The following PLEKHO2 variants were observed in gnomAD, a reference collection of about 807,000 sequenced individuals.
PLEKHO2 encodes pleckstrin homology domain-containing family O member 2.
PLEKHO2 carries 20 observed loss-of-function variants against 32.7 expected under a neutral mutation model. The observed-to-expected ratio is 0.61, with a 90% CI of 0.43 to 0.89. PLEKHO2 has a LOEUF of 0.89. PLEKHO2 is among the 40% of genes least tolerant of loss of function. The probability of loss-of-function intolerance (pLI) is 0.00; values close to 1 mark genes in which losing one functional copy is unlikely to be tolerated. For missense variants in PLEKHO2, 568 were observed against 621.2 expected (o/e 0.91, Z 0.91); for synonymous variants, 247 against 246.3 (o/e 1.00, Z -0.03).
At chr15:64,853,688 C>T (rs1216330914) in intron 2 of PLEKHO2, among the ~76,000 whole-genome samples, 1 of 152,186 alleles carries the variant, frequency 6.6e-6, no homozygotes. Flanking sequence ...CAACCTACTG[C>T]CTGTGACTGG....
At chr15:64,858,374 G>A (rs576056125) in intron 3 of PLEKHO2, among the ~76,000 whole-genome samples, 1 of 152,292 alleles carries the variant, frequency 6.6e-6, no homozygotes, top group South Asian at 2.1e-4. Context: ...AGAGTGGAGG[G>A]AGGGGAGGTA....
intron 3 of PLEKHO2, among the ~76,000 whole-genome samples, chr15:64,857,542 C>T (rs2140343125): frequency 6.6e-6 from 1 of 152,102 alleles, no homozygotes; most frequent in East Asian, 1.9e-4. Flanking sequence ...ACTATGTTGC[C>T]CAGGCTGGTA....
At position 64,855,987 on chromosome 15, in the gene PLEKHO2, C is replaced by T. The variant is rs557689960; in HGVS notation, c.279+950C>T. Among the ~76,000 whole-genome samples, 11 of 152,050 alleles carry T rather than the reference C, an allele frequency of 7.2e-5. 1 individual carries two copies. The highest frequency in any genetic ancestry group is 4.2e-4 in the South Asian group (2 of 4,818). ...CTCATTGACCCTTTGTCCTACTGTG[C>T]AGGGGGTGGGGGCGCAGAAGCAACC... On this transcript the variant is annotated intron_variant, in intron 3 of 5. Coordinates refer to ENST00000323544, the MANE Select transcript of PLEKHO2 (RefSeq NM_025201.5).
chr15:64,852,964 A>G (rs1000261199), intron 2 of PLEKHO2, among the ~76,000 whole-genome samples: 3 of 151,212 alleles, frequency 2.0e-5, no homozygotes, highest in African/African-American at 7.3e-5. Flanking sequence ...CCTGGCCAAC[A>G]TGGTGAAACC....
chr15:64,850,427 C>G (rs569553977), intron 2 of PLEKHO2, among the ~76,000 whole-genome samples: 19 of 152,324 alleles, frequency 1.2e-4, no homozygotes, highest in Non-Finnish European at 2.9e-5. Flanking sequence ...TAGAAAATCT[C>G]TAAAATATGT....
chr15:64,864,947 C>G lies in PLEKHO2; in HGVS notation c.532C>G (p.Pro178Ala). The G allele has an allele frequency of 6.2e-7, 1 of 1,613,968 alleles. No individual in the cohort carries two copies. The highest frequency in any genetic ancestry group is 1.1e-5 in the South Asian group (1 of 91,076). ...TCTTCTGCGCCTGGATCTTGATGTT[C>G]CGGACAGTGGGCCACCAGTGTTTGC... The part of the protein sequence containing the change: ...DGLLRLDLDV[P>A]DSGPPVFAPS... The change falls in exon 6 of 6, where the codon CCG (proline) becomes GCG (alanine). Residue 178 changes from proline (P) to alanine (A), a missense_variant. Pro to Ala is a conservative substitution (Grantham distance 27, BLOSUM62 -1). Coordinates refer to ENST00000323544, the MANE Select transcript of PLEKHO2 (RefSeq NM_025201.5).
At chr15:64,851,938 G>A (rs2084572656) in intron 2 of PLEKHO2, among the ~76,000 whole-genome samples, 1 of 152,090 alleles carries the variant, frequency 6.6e-6, no homozygotes, top group Admixed American at 6.5e-5. Flanking sequence ...CCGGGGAGGA[G>A]GAGACTTCCT....
chr15:64,855,468 C>T (rs1402822934), intron 3 of PLEKHO2, among the ~76,000 whole-genome samples: 1 of 152,104 alleles, frequency 6.6e-6, no homozygotes, highest in Non-Finnish European at 1.5e-5. Context: ...GAGTGTGTGG[C>T]CTCCCTTCAT....
At chr15:64,854,507 C>T (rs1244782786) in intron 2 of PLEKHO2, among the ~76,000 whole-genome samples, 3 of 152,164 alleles carry the variant, frequency 2.0e-5, no homozygotes, top group Non-Finnish European at 4.4e-5. Context: ...AGTCGTTGTC[C>T]CCCGTCCCCA....
chr15:64,864,804 C>T, intron 5 of PLEKHO2, 95 bp from the exon 6 acceptor site: 1 of 1,408,466 alleles, frequency 7.1e-7, no homozygotes, highest in Non-Finnish European at 9.6e-7. Context: ...CCTGGACAAC[C>T]TGGATGGGAG....
intron 3 of PLEKHO2, among the ~76,000 whole-genome samples, chr15:64,855,717 C>T (rs1156830048): frequency 1.3e-5 from 2 of 152,164 alleles, no homozygotes; most frequent in Non-Finnish European, 2.9e-5. Flanking sequence ...ATGTCAGGAG[C>T]GAGTTCAGAT....
chr15:64,842,693 T>C (rs1403056917), intron 1 of PLEKHO2, among the ~76,000 whole-genome samples: 1 of 152,008 alleles, frequency 6.6e-6, no homozygotes, highest in Non-Finnish European at 1.5e-5. Context: ...CCACCTAGGG[T>C]CTGATCTTAG....
chr15:64,860,380 T>C (rs1307015716), intron 4 of PLEKHO2, among the ~76,000 whole-genome samples: 1 of 152,186 alleles, frequency 6.6e-6, no homozygotes, highest in Admixed American at 6.5e-5. Flanking sequence ...GACCATGAAG[T>C]CCAGGGCAGG....
intron 2 of PLEKHO2, among the ~76,000 whole-genome samples, chr15:64,853,370 G>C (rs796228768): frequency 2.7e-5 from 4 of 150,132 alleles, no homozygotes; most frequent in African/African-American, 9.8e-5. Flanking sequence ...TCCGCCTCCT[G>C]GGTTCACGCC....
chr15:64,864,935 G>A lies in PLEKHO2; in HGVS notation c.520G>A (p.Asp174Asn), dbSNP rs1248599996. The A allele has an allele frequency of 8.1e-6, 13 of 1,613,274 alleles. No individual in the cohort carries two copies. The highest frequency in any genetic ancestry group is 3.3e-5 in the Admixed American group (2 of 59,948). Residue 174 changes from aspartate (D) to asparagine (N), a missense_variant, in exon 6 of 6, where the codon GAT (aspartate) becomes AAT (asparagine). By Grantham distance (23) the Asp-to-Asn change is conservative (BLOSUM62 1). Coordinates refer to ENST00000323544, the MANE Select transcript of PLEKHO2 (RefSeq NM_025201.5). ...SAASDGLLRL[D>N]LDVPDSGPPV... ...AGCTTCTGACGGTCTTCTGCGCCTG[G>A]ATCTTGATGTTCCGGACAGTGGGCC...
intron 3 of PLEKHO2, among the ~76,000 whole-genome samples, chr15:64,858,688 T>G (rs1412067147): frequency 6.6e-6 from 1 of 152,208 alleles, no homozygotes; most frequent in Non-Finnish European, 1.5e-5. Flanking sequence ...CTAATTCCTA[T>G]TACTGAGTAT....
chr15:64,864,818 G>A, intron 5 of PLEKHO2, 81 bp from the exon 6 acceptor site: 2 of 1,476,392 alleles, frequency 1.4e-6, no homozygotes, highest in South Asian at 1.3e-5. Context: ...ATGGGAGAGG[G>A]TAAGAACTCG....
In PLEKHO2 at chr15:64,864,906, G is replaced by C; in HGVS notation, c.491G>C (p.Ser164Thr). 2.5e-6 allele frequency: 4 copies of C among 1,602,466 alleles called. No homozygotes were observed. Among genetic ancestry groups the C allele is most frequent in the Non-Finnish European group, 3.4e-6 (4 of 1,173,124 alleles). ...PTRVHLKEVA[S>T]AASDGLLRLD... ...TACCATCCCCCCCACCAGGTGGCCAGTGCAGCTTCTGACGGTCTTCTGCGC... is the reference window on the plus strand; with the variant it reads ...TACCATCCCCCCCACCAGGTGGCCACTGCAGCTTCTGACGGTCTTCTGCGC... The change falls in exon 6 of 6, where the codon AGT becomes ACT. Residue 164 changes from serine (S) to threonine (T), a missense_variant. By Grantham distance (58) the Ser-to-Thr change is moderately conservative (BLOSUM62 1). Transcript: ENST00000323544.
chr15:64,860,118 G>A (rs1426730211), intron 4 of PLEKHO2, 120 bp downstream of exon 4: 17 of 818,898 alleles, frequency 2.1e-5, no homozygotes, highest in Non-Finnish European at 3.4e-5. Flanking sequence ...ACTGCTATGG[G>A]GCATTGTTGT....
Sources: gnomAD v4.1 joint callset for allele counts (sites outside exome capture counted in the v4.1 genomes callset) on GRCh38, gnomAD v4.1.1 for gene constraint, MANE v1.5 for transcripts, NCBI Gene and HGNC (gene_info 2026-07-23, HGNC 2026-07-21) for gene names.